PCDHA2: variants seen among roughly 807,000 people sequenced by gnomAD.
PCDHA2 encodes protocadherin alpha-2.
PCDHA2 carries 58 observed loss-of-function variants against 66.0 expected under a neutral mutation model. That is an observed-to-expected ratio of 0.88 (90% CI 0.71 to 1.09). The LOEUF is 1.09. Ranked by LOEUF, PCDHA2 falls within the 50% of genes least tolerant of loss-of-function variation. The pLI, the probability that PCDHA2 is intolerant of heterozygous loss-of-function variation, is 0.00. For synonymous variants in PCDHA2, 634 were observed against 554.0 expected (o/e 1.14, Z -2.03); for missense variants, 1,267 against 1,242.3 (o/e 1.02, Z -0.30).
intron 1 of PCDHA2, chr5:140,877,428 G>A: frequency 6.2e-7 from 1 of 1,613,886 alleles, no homozygotes; most frequent in Non-Finnish European, 8.5e-7. Flanking sequence ...TGCTGGTGAA[G>A]GACCACGGTG....
At chr5:140,851,732 T>C in intron 1 of PCDHA2, 2 of 971,434 alleles carry the variant, frequency 2.1e-6, no homozygotes, top group Non-Finnish European at 2.5e-6. Context: ...CGAGTTCTTT[T>C]GAAATTCAGA....
rs1762184532 is a variant in PCDHA2 at position 140,797,105 on chromosome 5, C to T, written c.2141C>T (p.Thr714Met). The T allele has an allele frequency of 1.9e-6, 3 of 1,614,002 alleles. No individual in the cohort carries two copies. The highest frequency in any genetic ancestry group is 2.5e-6 in the Non-Finnish European group (3 of 1,179,964). ...GCGGTATCCAGCCTGTTGGTGCTCA[C>T]GGTGCTGCTGTACACTGCGCTGCGG... ...ICAVSSLLVL[T>M]VLLYTALRCS... Residue 714 changes from threonine (T) to methionine (M), a missense_variant, in exon 1 of 4, where the codon ACG becomes ATG. Thr to Met is a moderately conservative substitution (Grantham distance 81). Coordinates refer to ENST00000526136, the MANE Select transcript of PCDHA2 (RefSeq NM_018905.3).
intron 1 of PCDHA2, chr5:140,823,575 G>C: frequency 6.2e-7 from 1 of 1,613,976 alleles, no homozygotes; most frequent in Non-Finnish European, 8.5e-7. Flanking sequence ...ACCCTGATTC[G>C]GGCTACAACG....
At position 140,797,004 on chromosome 5, in the gene PCDHA2, G is replaced by A. The variant is rs1554120239; in HGVS notation, c.2040G>A (p.Ser680=). The A allele has an allele frequency of 1.9e-6, 3 of 1,613,712 alleles. No individual in the cohort carries two copies. Among genetic ancestry groups the A allele is most frequent in the Non-Finnish European group, 1.7e-6 (2 of 1,179,964 alleles). Residue 680 remains serine, a synonymous_variant, in exon 1 of 4, where the codon TCG becomes TCA. Coordinates refer to ENST00000526136, the MANE Select transcript of PCDHA2 (RefSeq NM_018905.3). ...GTGGCCAGGCACCCAAGGCCTCGTC[G>A]CGGGCGTGGGTGGGCGCCGCGGGCT... is the stretch of plus-strand genomic sequence containing the variant. ...VESGQAPKAS[S]RAWVGAAGSE...
At chr5:140,858,600 T>TA (rs1554151860) in intron 1 of PCDHA2, 1 of 1,293,862 alleles carries the variant, frequency 7.7e-7, no homozygotes, top group Non-Finnish European at 1.1e-6. Context: ...CCAGGAGTTT[T>TA]AAAATTTTTT....
At chr5:140,927,956 C>G in intron 1 of PCDHA2, 1 of 1,614,224 alleles carries the variant, frequency 6.2e-7, no homozygotes. Flanking sequence ...GACGCTGCCC[C>G]TGGCACAGTG....
At chr5:140,961,001 C>A (rs2095583358) in intron 1 of PCDHA2, among the ~76,000 whole-genome samples, 1 of 152,144 alleles carries the variant, frequency 6.6e-6, no homozygotes, top group Non-Finnish European at 1.5e-5. Context: ...CAATTTGCTG[C>A]TGGACTGCAT....
chr5:140,868,027 G>T (rs2050246308), intron 1 of PCDHA2: 1 of 151,988 alleles, frequency 6.6e-6, no homozygotes, highest in African/African-American at 2.4e-5. Context: ...AACCAATGTT[G>T]GTGACTTGGA....
At chr5:140,925,108 G>GGAAGGAA (rs1554202548) in intron 1 of PCDHA2, among the ~76,000 whole-genome samples, 42 of 124,700 alleles carry the variant, frequency 3.4e-4, no homozygotes, top group African/African-American at 1.4e-3. Context: ...GAAGGAAGGA[G>GGAAGGAA]GGAAGGAAGG....
rs369053351 is a variant in PCDHA2, at chr5:140,982,539, C to A, written c.2512C>A (p.Pro838Thr). ...AGPGGPDQQW[P>T]TVSSATPEPE... The stretch of plus-strand genomic sequence containing the variant: ...TCCAGGAGGGCCTGATCAGCAGTGG[C>A]CAACAGTATCCAGTGCAACACCAGG... Residue 838 changes from proline (P) to threonine (T), a missense_variant, in exon 3 of 4, where the codon CCA (proline) becomes ACA (threonine). By Grantham distance (38) the Pro-to-Thr change is conservative. Coordinates refer to ENST00000526136, the MANE Select transcript of PCDHA2 (RefSeq NM_018905.3). 29 of 1,614,008 alleles carry A rather than the reference C, an allele frequency of 1.8e-5. No individual in the cohort carries two copies. The highest frequency in any genetic ancestry group is 2.2e-5 in the Non-Finnish European group (26 of 1,180,032).
chr5:140,849,959 C>G lies in PCDHA2; in HGVS notation c.2388+52607C>G, dbSNP rs2150460444. On this transcript the variant is annotated intron_variant, in intron 1 of 3. Transcript: ENST00000526136. ...GGGACGCTGACGCGCAGGAGAACGC[C>G]CTGGTGTCCTACTCGCTGGTGGAGC... 52 of 1,597,872 alleles carry G rather than the reference C, an allele frequency of 3.3e-5. 2 individuals are homozygous for G. Among genetic ancestry groups the G allele is most frequent in the African/African-American group, 2.7e-4 (20 of 74,536 alleles).
intron 1 of PCDHA2, chr5:140,883,169 G>C (rs1554177001): frequency 6.2e-7 from 1 of 1,613,950 alleles, no homozygotes; most frequent in Admixed American, 1.7e-5. Flanking sequence ...GAACAATGGA[G>C]AAATTAGGAC....
At chr5:140,807,579 C>T (rs1355762346) in intron 1 of PCDHA2, 4 of 1,614,044 alleles carry the variant, frequency 2.5e-6, no homozygotes, top group African/African-American at 1.3e-5. Context: ...GATAACCCGC[C>T]GGTGTTCCCA....
At chr5:140,858,708 T>C in intron 1 of PCDHA2, 1 of 547,182 alleles carries the variant, frequency 1.8e-6, no homozygotes, top group African/African-American at 1.9e-5. Context: ...AAATATGTGA[T>C]ATAGGTTGCA....
intron 1 of PCDHA2, among the ~76,000 whole-genome samples, chr5:140,891,866 T>C (rs2063289213): frequency 6.6e-6 from 1 of 152,184 alleles, no homozygotes; most frequent in Non-Finnish European, 1.5e-5. Flanking sequence ...TCTCTTATGC[T>C]TTTGGCTCTG....
At chr5:140,930,169 A>G (rs1312219690) in intron 1 of PCDHA2, 1 of 152,184 alleles carries the variant, frequency 6.6e-6, no homozygotes, top group Non-Finnish European at 1.5e-5. Context: ...AATATTTTAC[A>G]AAGAGGAAAG....
In PCDHA2 at chr5:140,795,259, A is replaced by G. The variant is rs1554119335; in HGVS notation, c.295A>G (p.Ser99Gly). The G allele has an allele frequency of 6.2e-7, 1 of 1,614,178 alleles. No individual in the cohort carries two copies. Among genetic ancestry groups the G allele is most frequent in the Non-Finnish European group, 8.5e-7 (1 of 1,180,030 alleles). The part of the protein sequence containing the change: ...RIDREELCGR[S>G]AECSIHVEVI... ...CGACCGGGAGGAGCTGTGCGGGCGG[A>G]GCGCGGAATGTAGCATCCACGTGGA... Residue 99 changes from serine to glycine, a missense_variant, in exon 1 of 4, where the codon AGC (serine) becomes GGC (glycine). By Grantham distance (56) the Ser-to-Gly change is moderately conservative. Coordinates refer to ENST00000526136, the MANE Select transcript of PCDHA2 (RefSeq NM_018905.3).
chr5:141,011,122 A>G lies in PCDHA2; in HGVS notation c.*1185A>G, dbSNP rs1554263297. On this transcript the variant is annotated 3_prime_UTR_variant, in exon 4 of 4. Transcript: ENST00000526136. ...TCTCTCTCTTTTCTAAGAAACAATT[A>G]TGTGCACTTTGATACACAACCTTCT... 1 of 153,686 alleles carries G rather than the reference A, an allele frequency of 6.5e-6. No homozygotes were observed. Among genetic ancestry groups the G allele is most frequent in the Non-Finnish European group, 1.5e-5 (1 of 68,034 alleles). 9.5% of individuals were successfully genotyped at this position (153,686 alleles called of 1,614,324 possible).
At chr5:140,998,136 C>T (rs2153950850) in intron 3 of PCDHA2, among the ~76,000 whole-genome samples, 1 of 152,308 alleles carries the variant, frequency 6.6e-6, no homozygotes, top group South Asian at 2.1e-4. Context: ...TAATAGCTAA[C>T]CTGTACTGAA....
Sources: gnomAD v4.1 joint callset for allele counts (sites outside exome capture counted in the v4.1 genomes callset) on GRCh38, gnomAD v4.1.1 for gene constraint, MANE v1.5 for transcripts, NCBI Gene and HGNC (gene_info 2026-07-23, HGNC 2026-07-21) for gene names.